Variants in SLCO3A1 observed in about 807,000 individuals in gnomAD.
SLCO3A1 encodes solute carrier organic anion transporter family member 3A1.
A neutral mutation model predicts 63.1 loss-of-function variants in SLCO3A1; 27 were observed. The observed-to-expected ratio is 0.43, with a 90% CI of 0.32 to 0.59. The LOEUF is 0.59. Among genes scored for constraint, SLCO3A1 ranks in the 20% least tolerant of loss-of-function variants. The pLI, the probability that SLCO3A1 is intolerant of heterozygous loss-of-function variation, is 0.09. For missense variants in SLCO3A1, 773 were observed against 945.8 expected (o/e 0.82, Z 2.40); for synonymous variants, 473 against 409.9 (o/e 1.15, Z -1.86).
At chr15:92,122,194 C>T (rs1162175063) in intron 5 of SLCO3A1, among the ~76,000 whole-genome samples, 2 of 152,110 alleles carry the variant, frequency 1.3e-5, no homozygotes, top group African/African-American at 2.4e-5. Context: ...CAGAGGAGTT[C>T]ACCTGTTCTC....
chr15:92,117,689 G>A (rs1228605043), intron 4 of SLCO3A1, among the ~76,000 whole-genome samples: 1 of 152,166 alleles, frequency 6.6e-6, no homozygotes, highest in Non-Finnish European at 1.5e-5. Context: ...CAGGTCTCCT[G>A]CCACAGGTAC....
At chr15:92,084,763 A>G (rs1177275841) in intron 2 of SLCO3A1, among the ~76,000 whole-genome samples, 1 of 152,240 alleles carries the variant, frequency 6.6e-6, no homozygotes, top group Admixed American at 6.5e-5. Flanking sequence ...CGCAGGAGCC[A>G]TGCCCCATGC....
chr15:92,023,078 G>A (rs1466706147), intron 2 of SLCO3A1, among the ~76,000 whole-genome samples: 1 of 152,200 alleles, frequency 6.6e-6, no homozygotes, highest in African/African-American at 2.4e-5. Context: ...GCTTGTCCAA[G>A]GTTACACAAG....
chr15:91,897,096 T>A lies in SLCO3A1; in HGVS notation c.181-18897T>A, dbSNP rs1203945482. Among the ~76,000 whole-genome samples the A allele has an allele frequency of 6.6e-6, 1 of 152,144 alleles. No individual in the cohort carries two copies. Among genetic ancestry groups the A allele is most frequent in the African/African-American group, 2.4e-5 (1 of 41,432 alleles). ...TTAGCAGCTGGAAAGTTGTGAGAAA[T>A]CAAAGTAACCGTAAGATAAGTTCCT... On this transcript the variant is annotated intron_variant, in intron 1 of 9. Transcript: ENST00000318445. This position sits in a 1 kb window ranked among gnomAD's most constrained non-coding sequence, Gnocchi z 4.7.
chr15:92,097,039 G>A (rs1206299239), intron 3 of SLCO3A1, among the ~76,000 whole-genome samples: 1 of 152,144 alleles, frequency 6.6e-6, no homozygotes, highest in African/African-American at 2.4e-5. Flanking sequence ...CCAGCAGAGG[G>A]GATAGAGAGG....
Position 92,006,388 on chromosome 15 carries a change from T to C in SLCO3A1, c.647-88493T>C, listed in dbSNP as rs1007894431. 5.9e-5 allele frequency among the ~76,000 whole-genome samples: 9 copies of C among 152,220 alleles called. No individual in the cohort carries two copies. In the South Asian group the frequency reaches 1.7e-3, roughly 28 times the overall value. On this transcript the variant is annotated intron_variant, in intron 2 of 9. Transcript: ENST00000318445. Reference sequence around the variant, plus strand: ...CTTTGTTAGAATGAATGAGTTTTACTGGACTTTGGTACAGCTACTGAGTTA... The same window carrying C: ...CTTTGTTAGAATGAATGAGTTTTACCGGACTTTGGTACAGCTACTGAGTTA...
intron 4 of SLCO3A1, among the ~76,000 whole-genome samples, chr15:92,106,916 C>T (rs990707585): frequency 6.6e-6 from 1 of 152,178 alleles, no homozygotes; most frequent in Non-Finnish European, 1.5e-5. Flanking sequence ...ATGATTCAGT[C>T]GCTCATTAAC....
chr15:92,167,082 G>A (rs1215489727), downstream of SLCO3A1, among the ~76,000 whole-genome samples: 1 of 151,604 alleles, frequency 6.6e-6, no homozygotes, highest in East Asian at 1.9e-4. Flanking sequence ...TTTTATTGTT[G>A]CTTGAATATT....
chr15:92,097,652 T>C (rs957418977), intron 3 of SLCO3A1, among the ~76,000 whole-genome samples: 1 of 152,204 alleles, frequency 6.6e-6, no homozygotes, highest in Non-Finnish European at 1.5e-5. Context: ...ACCAAGTTGA[T>C]AGCGGACTTC....
intron 7 of SLCO3A1, 60 bp downstream of exon 7, chr15:92,128,549 C>A (rs1026462369): frequency 1.3e-6 from 2 of 1,493,698 alleles, no homozygotes; most frequent in East Asian, 2.3e-5. Context: ...GGCTTAAAAC[C>A]CAAGTTTTTG....
At chr15:92,155,709 G>C (rs1391913842) in intron 9 of SLCO3A1, among the ~76,000 whole-genome samples, 1 of 151,188 alleles carries the variant, frequency 6.6e-6, no homozygotes, top group Non-Finnish European at 1.5e-5. Flanking sequence ...AGCCACATAA[G>C]AGACAGCATC....
At chr15:91,919,698 A>G (rs1178502296) in intron 2 of SLCO3A1, among the ~76,000 whole-genome samples, 1 of 151,664 alleles carries the variant, frequency 6.6e-6, no homozygotes, top group Non-Finnish European at 1.5e-5. Context: ...TTTGCTTTTT[A>G]TGAAAGTGTA....
intron 2 of SLCO3A1, among the ~76,000 whole-genome samples, chr15:92,000,385 G>GT (rs56220463): frequency 0.039 from 5,796 of 148,788 alleles, 163 homozygotes; most frequent in Non-Finnish European, 0.052. Context: ...ACTCTGTAAT[G>GT]TTTTTTTCCT....
chr15:91,973,393 A>C (rs1242214226), intron 2 of SLCO3A1, among the ~76,000 whole-genome samples: 1 of 152,246 alleles, frequency 6.6e-6, no homozygotes, highest in East Asian at 1.9e-4. Flanking sequence ...CACAGCTAGT[A>C]AGGGGTGGAA....
Position 91,942,730 on chromosome 15 carries a change from G to C in SLCO3A1, c.646+26272G>C, listed in dbSNP as rs547433666. ...ATTACAGGCGTGCACCACCACGCCCGGCTAATTTTTGAAAAGAGATGGGGT... is the reference window on the plus strand; with the variant it reads ...ATTACAGGCGTGCACCACCACGCCCCGCTAATTTTTGAAAAGAGATGGGGT... On this transcript the variant is annotated intron_variant, in intron 2 of 9. Coordinates refer to ENST00000318445, the MANE Select transcript of SLCO3A1 (RefSeq NM_013272.4). This position sits in a 1 kb window ranked among gnomAD's most constrained non-coding sequence, Gnocchi z 4.1. Among the ~76,000 whole-genome samples the C allele has an allele frequency of 6.6e-6, 1 of 152,188 alleles. No homozygotes were observed. Among genetic ancestry groups the C allele is most frequent in the Admixed American group, 6.5e-5 (1 of 15,292 alleles).
chr15:91,870,037 C>T (rs547416080), intron 1 of SLCO3A1, among the ~76,000 whole-genome samples: 2 of 152,126 alleles, frequency 1.3e-5, no homozygotes, highest in South Asian at 2.1e-4. Flanking sequence ...TTCTGTGAAT[C>T]GAGTAAGTTG....
chr15:92,060,804 C>A (rs1212035180), intron 2 of SLCO3A1, among the ~76,000 whole-genome samples: 3 of 152,060 alleles, frequency 2.0e-5, no homozygotes, highest in Non-Finnish European at 4.4e-5. Context: ...CCGGCCGGTA[C>A]TTTTTAATAA....
intron 2 of SLCO3A1, among the ~76,000 whole-genome samples, chr15:92,077,828 A>G (rs2047297438): frequency 6.6e-6 from 1 of 152,166 alleles, no homozygotes; most frequent in Non-Finnish European, 1.5e-5. Flanking sequence ...TTAGAGTTAG[A>G]GGGATTTCCA....
At chr15:91,907,281 A>C (rs983372696) in intron 1 of SLCO3A1, among the ~76,000 whole-genome samples, 1 of 151,956 alleles carries the variant, frequency 6.6e-6, no homozygotes, top group South Asian at 2.1e-4. Context: ...ATCTCAGCTC[A>C]CTGCACCTCT....
Sources: gnomAD v4.1 joint callset for allele counts (sites outside exome capture counted in the v4.1 genomes callset) on GRCh38, gnomAD v4.1.1 for gene constraint, Gnocchi (gnomAD v3.1) non-coding constraint, MANE v1.5 for transcripts, NCBI Gene and HGNC (gene_info 2026-07-23, HGNC 2026-07-21) for gene names.